AVPR1A: variants seen among roughly 807,000 people sequenced by gnomAD.
AVPR1A encodes vasopressin V1a receptor.
AVPR1A carries 31 observed loss-of-function variants against 31.5 expected under a neutral mutation model. That is an observed-to-expected ratio of 0.99 (90% CI 0.74 to 1.33). The LOEUF (loss-of-function observed/expected upper bound fraction) is 1.33. Ranked by LOEUF, AVPR1A falls within the 40% of genes most tolerant of loss-of-function variation. The pLI is 0.00. For synonymous variants in AVPR1A, 243 were observed against 233.2 expected, an observed-to-expected ratio of 1.04 and a Z score of -0.38; for missense variants, 570 against 575.2, an observed-to-expected ratio of 0.99 and a Z score of 0.09.
intron 1 of AVPR1A, among the ~76,000 whole-genome samples, chr12:63,149,579 C>T (rs1431616768): frequency 6.6e-6 from 1 of 151,722 alleles, no homozygotes; most frequent in African/African-American, 2.4e-5. Context: ...GATCATTGCA[C>T]ACTACAAATG....
In AVPR1A at chr12:63,150,635, C is replaced by G. The variant is rs564189895; in HGVS notation, c.202G>C (p.Gly68Arg). Residue 68 changes from glycine to arginine, a missense_variant, in exon 1 of 2, where the codon GGC (glycine) becomes CGC (arginine). Gly to Arg is a moderately radical substitution (Grantham distance 125). Coordinates refer to ENST00000299178, the MANE Select transcript of AVPR1A (RefSeq NM_000706.5). The surrounding 1 kb of genome is among the most constrained non-coding windows in gnomAD (Gnocchi z 4.9). ...LAVTFAVAVL[G>R]NSSVLLALHR... ...AGAGCCAGCAGTACGCTGCTGTTGC[C>G]CAGCACGGCCACCGCGAAAGTCACC... 3.1e-6 allele frequency: 5 copies of G among 1,609,430 alleles called. No homozygotes were observed. The South Asian group carries it at 4.4e-5, about 14-fold the overall frequency.
In AVPR1A at chr12:63,151,129, C is replaced by T. The variant is rs1436717258; in HGVS notation, c.-293G>A. On this transcript the variant is annotated 5_prime_UTR_variant, in exon 1 of 2. Transcript: ENST00000299178. ...GCTTCCGGAAGCACTGGGTTCCCAACTCAAGTATTTATGCGGTGCTTGTTT... is the reference window on the plus strand; with the variant it reads ...GCTTCCGGAAGCACTGGGTTCCCAATTCAAGTATTTATGCGGTGCTTGTTT... 7.4e-6 allele frequency: 3 copies of T among 403,204 alleles called. No individual in the cohort carries two copies. Among genetic ancestry groups the T allele is most frequent in the Admixed American group, 4.2e-5 (1 of 23,746 alleles). 25.0% of individuals were successfully genotyped at this position (403,204 alleles called of 1,614,324 possible).
Position 63,147,190 on chromosome 12 carries a change from T to G in AVPR1A, c.*169A>C. 3 of 731,564 alleles carry G rather than the reference T, an allele frequency of 4.1e-6. No individual in the cohort carries two copies. Among genetic ancestry groups the G allele is most frequent in the Non-Finnish European group, 2.2e-6 (1 of 459,594 alleles). The allele number at this position is 731,564 out of a possible 1,614,324, so 45.3% of individuals were successfully genotyped here. ...CATTAATATTCCATACAAAATAATG[T>G]CTAGTTTTTGGTAGCAATATGAAAA... On this transcript the variant is annotated 3_prime_UTR_variant, in exon 2 of 2. Transcript: ENST00000299178.
chr12:63,145,254 T>C lies in AVPR1A; in HGVS notation c.*2105A>G, dbSNP rs765273749. The C allele has an allele frequency of 2.2e-4, 89 of 402,994 alleles. 1 individual carries two copies. The highest frequency in any genetic ancestry group is 7.2e-4 in the Middle Eastern group (2 of 2,786). The allele number at this position is 402,994 out of a possible 1,614,324, so 25.0% of individuals were successfully genotyped here. A position where few individuals can be genotyped will look rare whatever the true frequency, so the allele number is the denominator to read the frequency against. On this transcript the variant is annotated 3_prime_UTR_variant, in exon 2 of 2. Coordinates refer to ENST00000299178, the MANE Select transcript of AVPR1A (RefSeq NM_000706.5). The stretch of plus-strand genomic sequence containing the variant: ...CTAGGTTTATAATCTCTATAAAGCA[T>C]TTGGAAACATGTTTTTAGGCCTATC...
chr12:63,150,178 A>T lies in AVPR1A; in HGVS notation c.659T>A (p.Met220Lys). The change falls in exon 1 of 2, where the codon ATG becomes AAG. Residue 220 changes from methionine (M) to lysine (K), a missense_variant. Transcript: ENST00000299178. The surrounding 1 kb of genome is among the most constrained non-coding windows in gnomAD (Gnocchi z 4.9). The stretch of plus-strand genomic sequence containing the variant: ...GGGCGCCACAAAGATGCCGCCCGTC[A>T]TCCAGGTCACGTAGGCACGAGAACC... ...PWGSRAYVTW[M>K]TGGIFVAPVV... 6.2e-7 allele frequency: 1 copy of T among 1,614,008 alleles called. No individual in the cohort carries two copies. The highest frequency in any genetic ancestry group is 8.5e-7 in the Non-Finnish European group (1 of 1,180,046).
Position 63,145,404 on chromosome 12 carries a change from G to A in AVPR1A, c.*1955C>T, listed in dbSNP as rs1454481721. The A allele has an allele frequency of 1.5e-5, 7 of 454,744 alleles. No homozygotes were observed. The highest frequency in any genetic ancestry group is 2.6e-5 in the Non-Finnish European group (6 of 226,552). The allele number at this position is 454,744 out of a possible 1,614,324, so 28.2% of individuals were successfully genotyped here. Reference sequence around the variant, plus strand: ...TTTCTTATCTACAAAGGTAAAAAAAGAAACTCAATAATACTATTAAAACCA... The same window carrying A: ...TTTCTTATCTACAAAGGTAAAAAAAAAAACTCAATAATACTATTAAAACCA... On this transcript the variant is annotated 3_prime_UTR_variant, in exon 2 of 2. Coordinates refer to ENST00000299178, the MANE Select transcript of AVPR1A (RefSeq NM_000706.5).
chr12:63,143,387 A>G lies in AVPR1A; in HGVS notation c.*3972T>C, dbSNP rs1025221210. On this transcript the variant is annotated 3_prime_UTR_variant, in exon 2 of 2. Coordinates refer to ENST00000299178, the MANE Select transcript of AVPR1A (RefSeq NM_000706.5). ...GCCATAATAATATATAACATACTAC[A>G]GGTCACATGTACATTTTCATTCATG... The G allele has an allele frequency of 5.5e-4, 84 of 152,192 alleles. No homozygotes were observed. Among genetic ancestry groups the G allele is most frequent in the African/African-American group, 2.0e-3 (83 of 41,456 alleles). 9.4% of individuals were successfully genotyped at this position (152,192 alleles called of 1,614,324 possible). A position where few individuals can be genotyped will look rare whatever the true frequency, so the allele number is the denominator to read the frequency against.
In AVPR1A at chr12:63,145,404, G is replaced by GCTTT. The variant is rs1868350350; in HGVS notation, c.*1954_*1955insAAAG. 2.2e-6 allele frequency: 1 copy of GCTTT among 454,744 alleles called. No individual in the cohort carries two copies. Among genetic ancestry groups the GCTTT allele is most frequent in the Admixed American group, 2.4e-5 (1 of 42,248 alleles). The allele number at this position is 454,744 out of a possible 1,614,324, so 28.2% of individuals were successfully genotyped here. On this transcript the variant is annotated 3_prime_UTR_variant, in exon 2 of 2. Coordinates refer to ENST00000299178, the MANE Select transcript of AVPR1A (RefSeq NM_000706.5). ...TTTCTTATCTACAAAGGTAAAAAAA[G>GCTTT]AAACTCAATAATACTATTAAAACCA...
chr12:63,147,843 A>C (rs1290103203), intron 1 of AVPR1A, among the ~76,000 whole-genome samples, 198 bp from the exon 2 acceptor site: 1 of 152,222 alleles, frequency 6.6e-6, no homozygotes, highest in African/African-American at 2.4e-5. Flanking sequence ...ATGCCTTAAA[A>C]TTAATTCAAG....
In AVPR1A at chr12:63,150,855, A is replaced by C. The variant is rs371086003; in HGVS notation, c.-19T>G. 3.3e-6 allele frequency: 5 copies of C among 1,534,460 alleles called. No individual in the cohort carries two copies. In the African/African-American group the frequency reaches 6.9e-5, roughly 21 times the overall value. On this transcript the variant is annotated 5_prime_UTR_variant, in exon 1 of 2. Transcript: ENST00000299178. This position sits in a 1 kb window ranked among gnomAD's most constrained non-coding sequence, Gnocchi z 4.9. ...GACGCATGCTGTCCATGCAGCTCCT[A>C]CTCGGCCCTCTTCGGAGCTCCAGCC...
At chr12:63,149,161 A>G (rs1369466313) in intron 1 of AVPR1A, among the ~76,000 whole-genome samples, 1 of 152,160 alleles carries the variant, frequency 6.6e-6, no homozygotes, top group African/African-American at 2.4e-5. Context: ...GTGAAAGACT[A>G]ATGAATTAGT....
In AVPR1A at chr12:63,146,349, A is replaced by G. The variant is rs1868359629; in HGVS notation, c.*1010T>C. On this transcript the variant is annotated 3_prime_UTR_variant, in exon 2 of 2. Coordinates refer to ENST00000299178, the MANE Select transcript of AVPR1A (RefSeq NM_000706.5). Reference sequence around the variant, plus strand: ...TTTGCAATTGTTAGATGAGTGAGAGATTGGAAAGACAAAGCTATTTTTAAT... The same window carrying G: ...TTTGCAATTGTTAGATGAGTGAGAGGTTGGAAAGACAAAGCTATTTTTAAT... The G allele has an allele frequency of 6.6e-6, 1 of 152,220 alleles. No homozygotes were observed. Among genetic ancestry groups the G allele is most frequent in the Non-Finnish European group, 1.5e-5 (1 of 68,038 alleles). 9.4% of individuals were successfully genotyped at this position (152,220 alleles called of 1,614,324 possible).
rs1338051730 is a variant in AVPR1A, at chr12:63,142,892, T to C, written c.*4467A>G. ...AAATATTAGATACTATCACAAAACA[T>C]TTTATCACTCATTCAAAACAAGAAT... On this transcript the variant is annotated 3_prime_UTR_variant, in exon 2 of 2. Transcript: ENST00000299178. The C allele has an allele frequency of 6.6e-6, 1 of 152,122 alleles. No homozygotes were observed. The highest frequency in any genetic ancestry group is 1.9e-4 in the East Asian group (1 of 5,204). The allele number at this position is 152,122 out of a possible 1,614,324, so 9.4% of individuals were successfully genotyped here. A position where few individuals can be genotyped will look rare whatever the true frequency, so the allele number is the denominator to read the frequency against.
rs1390868557 is a variant in AVPR1A at position 63,150,475 on chromosome 12, T to A, written c.362A>T (p.Asp121Val). The change falls in exon 1 of 2, where the codon GAC becomes GTC. Residue 121 changes from aspartate (D) to valine (V), a missense_variant. Physicochemically the swap from Asp to Val is radical, Grantham distance 152 (BLOSUM62 -3). Transcript: ENST00000299178. This position sits in a 1 kb window ranked among gnomAD's most constrained non-coding sequence, Gnocchi z 4.9. ...WDITYRFRGP[D>V]WLCRVVKHLQ... The stretch of plus-strand genomic sequence containing the variant: ...GTGCTTCACCACGCGGCACAGCCAG[T>A]CGGGGCCGCGGAAGCGGTAGGTGAT... 6.2e-7 allele frequency: 1 copy of A among 1,613,466 alleles called. No homozygotes were observed. The highest frequency in any genetic ancestry group is 8.5e-7 in the Non-Finnish European group (1 of 1,179,852).
In AVPR1A at chr12:63,147,573, T is replaced by G; in HGVS notation, c.1043A>C (p.Tyr348Ser). ...SLNSCCNPWI[Y>S]MFFSGHLLQD... The stretch of plus-strand genomic sequence containing the variant: ...AAGGAGATGGCCACTAAAAAACATG[T>G]ATATCCAGGGATTACAGCAGCTATT... The change falls in exon 2 of 2, where the codon TAC becomes TCC. Residue 348 changes from tyrosine to serine, a missense_variant. Physicochemically the swap from Tyr to Ser is moderately radical, Grantham distance 144 (BLOSUM62 -2). Transcript: ENST00000299178. The G allele has an allele frequency of 6.2e-7, 1 of 1,614,160 alleles. No individual in the cohort carries two copies. Among genetic ancestry groups the G allele is most frequent in the South Asian group, 1.1e-5 (1 of 91,086 alleles).
Position 63,147,222 on chromosome 12 carries a change from T to A in AVPR1A, c.*137A>T. ...TTTGGTAGCAATATGAAAATGCAAC[T>A]AGAAACACAGTCTCATACACAATGA... On this transcript the variant is annotated 3_prime_UTR_variant, in exon 2 of 2. Coordinates refer to ENST00000299178, the MANE Select transcript of AVPR1A (RefSeq NM_000706.5). 2.8e-6 allele frequency: 3 copies of A among 1,059,758 alleles called. No homozygotes were observed. Among genetic ancestry groups the A allele is most frequent in the Non-Finnish European group, 4.0e-6 (3 of 744,010 alleles). 65.6% of individuals were successfully genotyped at this position (1,059,758 alleles called of 1,614,324 possible).
chr12:63,149,111 GT>G (rs1868405563), intron 1 of AVPR1A, among the ~76,000 whole-genome samples: 2 of 152,208 alleles, frequency 1.3e-5, no homozygotes, highest in Non-Finnish European at 2.9e-5. Context: ...TACTGTAAGA[GT>G]TGGGTGGAGA....
At chr12:63,148,369 G>A (rs987250716) in intron 1 of AVPR1A, among the ~76,000 whole-genome samples, 2 of 152,084 alleles carry the variant, frequency 1.3e-5, no homozygotes, top group Admixed American at 6.6e-5. Context: ...CTAAAAATAA[G>A]AATAATCAAT....
chr12:63,151,037 G>T lies in AVPR1A; in HGVS notation c.-201C>A. The T allele has an allele frequency of 1.4e-6, 1 of 738,068 alleles. No individual in the cohort carries two copies. Among genetic ancestry groups the T allele is most frequent in the Non-Finnish European group, 2.1e-6 (1 of 476,752 alleles). The allele number at this position is 738,068 out of a possible 1,614,324, so 45.7% of individuals were successfully genotyped here. A position where few individuals can be genotyped will look rare whatever the true frequency, so the allele number is the denominator to read the frequency against. ...TGCCCACTGAGCAGCTCTCAGCAGG[G>T]TGAGCTGGCCCCTCTCCCTGCTCTG... On this transcript the variant is annotated 5_prime_UTR_variant, in exon 1 of 2. Coordinates refer to ENST00000299178, the MANE Select transcript of AVPR1A (RefSeq NM_000706.5).
Sources: gnomAD v4.1 joint callset for allele counts (sites outside exome capture counted in the v4.1 genomes callset) on GRCh38, gnomAD v4.1.1 for gene constraint, Gnocchi (gnomAD v3.1) non-coding constraint, MANE v1.5 for transcripts, NCBI Gene and HGNC (gene_info 2026-07-23, HGNC 2026-07-21) for gene names.